The following RIMBP2 variants were observed in gnomAD, a reference collection of about 807,000 sequenced individuals.
RIMBP2 encodes RIMS-binding protein 2.
RIMBP2 carries 48 observed loss-of-function variants against 118.6 expected under a neutral mutation model. The observed-to-expected ratio is 0.40, with a 90% CI of 0.32 to 0.51. The LOEUF (loss-of-function observed/expected upper bound fraction) is 0.51. Ranked by LOEUF, RIMBP2 falls within the 20% of genes least tolerant of loss-of-function variation. RIMBP2 has a pLI of 0.41. For missense variants in RIMBP2, 1,551 were observed against 1,768.3 expected (o/e 0.88, Z 2.20); for synonymous variants, 762 against 742.9 (o/e 1.03, Z -0.42).
chr12:130,506,257 T>A (rs2050337160), intron 4 of RIMBP2, among the ~76,000 whole-genome samples: 1 of 152,110 alleles, frequency 6.6e-6, no homozygotes, highest in Non-Finnish European at 1.5e-5. Context: ...CTATCCTCTT[T>A]ATAACAAAGG....
At chr12:130,527,825 C>G (rs770851257) in intron 2 of RIMBP2, among the ~76,000 whole-genome samples, 36 of 151,050 alleles carry the variant, frequency 2.4e-4, no homozygotes, top group Non-Finnish European at 4.4e-4. Context: ...ATGTGGCCAA[C>G]AAACATATGC....
intron 2 of RIMBP2, among the ~76,000 whole-genome samples, chr12:130,535,007 T>C (rs796985178): frequency 6.6e-6 from 1 of 152,186 alleles, no homozygotes; most frequent in African/African-American, 2.4e-5. Flanking sequence ...ACGATGCTGG[T>C]GACTAAGGAA....
intron 21 of RIMBP2, among the ~76,000 whole-genome samples, chr12:130,400,355 G>C (rs576556684): frequency 6.6e-6 from 1 of 152,310 alleles, no homozygotes; most frequent in South Asian, 2.1e-4. Context: ...TGGAGAAAAT[G>C]AAAGTGTCTG....
At chr12:130,476,431 A>G (rs2081433099) in intron 5 of RIMBP2, among the ~76,000 whole-genome samples, 1 of 152,168 alleles carries the variant, frequency 6.6e-6, no homozygotes, top group African/African-American at 2.4e-5. Context: ...GCCAGTCTTC[A>G]GCTAATCCGT....
rs985183217 is a variant in RIMBP2, at chr12:130,509,728, C to A, written c.-126-2958G>T. On this transcript the variant is annotated intron_variant, in intron 3 of 22. Coordinates refer to ENST00000690449, the MANE Select transcript of RIMBP2 (RefSeq NM_001393629.1). ...CAGGTGTCCTGCCCATGCCCTCTGCCCCCCCGCCCCGGCAACAGCACCCAC... is the reference window on the plus strand; with the variant it reads ...CAGGTGTCCTGCCCATGCCCTCTGCACCCCCGCCCCGGCAACAGCACCCAC... Among the ~76,000 whole-genome samples, 5 of 149,970 alleles carry A rather than the reference C, an allele frequency of 3.3e-5. No individual in the cohort carries two copies. The East Asian group carries it at 7.9e-4, about 24-fold the overall frequency.
intron 2 of RIMBP2, among the ~76,000 whole-genome samples, chr12:130,520,773 G>A (rs992419042): frequency 6.6e-6 from 1 of 151,528 alleles, no homozygotes; most frequent in Non-Finnish European, 1.5e-5. Context: ...TTAGCCAAGT[G>A]CCAAAGCCCT....
At chr12:130,543,368 A>G (rs1407692508) in intron 2 of RIMBP2, among the ~76,000 whole-genome samples, 1 of 152,194 alleles carries the variant, frequency 6.6e-6, no homozygotes, top group Non-Finnish European at 1.5e-5. Context: ...ATGTTCTGGG[A>G]AAAACACATT....
chr12:130,579,663 C>G (rs2058330737), intron 2 of RIMBP2, among the ~76,000 whole-genome samples: 1 of 152,122 alleles, frequency 6.6e-6, no homozygotes, highest in African/African-American at 2.4e-5. Context: ...GCACACTCCC[C>G]CATTGAGCAC....
chr12:130,634,242 G>T lies in RIMBP2; in HGVS notation c.-351-5786C>A, dbSNP rs184113313. On this transcript the variant is annotated intron_variant, in intron 1 of 22. Coordinates refer to ENST00000690449, the MANE Select transcript of RIMBP2 (RefSeq NM_001393629.1). ...TACATATCCTTGGGAGCGGAGACGG[G>T]GAGGCGGGTAATGCCACCTGTTCTC... Among the ~76,000 whole-genome samples the T allele has an allele frequency of 4.4e-4, 67 of 152,312 alleles. 1 individual carries two copies. The East Asian group carries it at 0.012, about 28-fold the overall frequency.
At chr12:130,598,909 G>A (rs1226501140) in intron 2 of RIMBP2, among the ~76,000 whole-genome samples, 1 of 152,118 alleles carries the variant, frequency 6.6e-6, no homozygotes, top group Admixed American at 6.5e-5. Context: ...TGGGGTCTAT[G>A]TCACTCAGCG....
chr12:130,435,132 G>A (rs1378602176), intron 13 of RIMBP2, among the ~76,000 whole-genome samples: 1 of 151,472 alleles, frequency 6.6e-6, no homozygotes, highest in Non-Finnish European at 1.5e-5. Context: ...TGAAACCTCT[G>A]TCTCCCAGGT....
chr12:130,644,718 G>A (rs1594131658), intron 1 of RIMBP2, among the ~76,000 whole-genome samples: 1 of 152,358 alleles, frequency 6.6e-6, no homozygotes. Context: ...CCACAGGACA[G>A]AGACCCTGAG....
At chr12:130,541,612 T>C (rs2054607736) in intron 2 of RIMBP2, among the ~76,000 whole-genome samples, 1 of 152,244 alleles carries the variant, frequency 6.6e-6, no homozygotes, top group Admixed American at 6.5e-5. Context: ...GCCATGCCAA[T>C]GAAAGCCTTT....
chr12:130,414,556 G>C (rs769269708), intron 17 of RIMBP2: 1 of 322,286 alleles, frequency 3.1e-6, no homozygotes, highest in East Asian at 6.0e-5. Flanking sequence ...GCTGGGCCTC[G>C]GGGGCCTCCT....
intron 1 of RIMBP2, among the ~76,000 whole-genome samples, chr12:130,685,339 T>C (rs1207156849): frequency 1.3e-5 from 2 of 152,162 alleles, no homozygotes; most frequent in Non-Finnish European, 2.9e-5. Flanking sequence ...ATCTTAAATA[T>C]ACACAATAAA....
intron 2 of RIMBP2, among the ~76,000 whole-genome samples, chr12:130,609,556 G>A (rs1195523178): frequency 6.7e-6 from 1 of 149,664 alleles, no homozygotes; most frequent in Non-Finnish European, 1.5e-5. Flanking sequence ...GGGGTGGTTA[G>A]TCAGGGTTCC....
Position 130,688,183 on chromosome 12 carries a change from G to A in RIMBP2, c.-352+28039C>T, listed in dbSNP as rs2065146848. On this transcript the variant is annotated intron_variant, in intron 1 of 22. Transcript: ENST00000690449. This position sits in a 1 kb window ranked among gnomAD's most constrained non-coding sequence, Gnocchi z 4.7. The stretch of plus-strand genomic sequence containing the variant: ...CGGCCCAGCCTGCACTGTTCATGCT[G>A]CTTGGCTTTGTGAACAGTTGCGTGG... Among the ~76,000 whole-genome samples, 1 of 152,154 alleles carries A rather than the reference G, an allele frequency of 6.6e-6. No individual in the cohort carries two copies. The highest frequency in any genetic ancestry group is 1.5e-5 in the Non-Finnish European group (1 of 68,036).
chr12:130,424,279 G>A lies in RIMBP2; in HGVS notation c.2992C>T (p.Pro998Ser), dbSNP rs1459345999. 26 of 1,231,792 alleles carry A rather than the reference G, an allele frequency of 2.1e-5. No homozygotes were observed. The highest frequency in any genetic ancestry group is 3.1e-4 in the Middle Eastern group (1 of 3,230). The allele number at this position is 1,231,792 out of a possible 1,614,324, so 76.3% of individuals were successfully genotyped here. A position where few individuals can be genotyped will look rare whatever the true frequency, so the allele number is the denominator to read the frequency against. The change falls in exon 16 of 23, where the codon CCC (proline) becomes TCC (serine). Residue 998 changes from proline (P) to serine (S), a missense_variant. Around this residue, in one of 5 missense-constraint regions of RIMBP2, gnomAD observed 1,038 missense variants for 1,125.1 expected, o/e 0.92. Coordinates refer to ENST00000690449, the MANE Select transcript of RIMBP2 (RefSeq NM_001393629.1). The surrounding 1 kb of genome is among the most constrained non-coding windows in gnomAD (Gnocchi z 9.8). ...GGCTCGCCCCAGCCGTGCTTCCTGG[G>A]GGGCGGCCTCTCCGGGCCGGGCTGG... The part of the protein sequence containing the change: ...DPQPGPERPP[P>S]RKHGWGEPTE...
At chr12:130,432,632 C>G (rs1432212566) in intron 14 of RIMBP2, among the ~76,000 whole-genome samples, 3 of 152,108 alleles carry the variant, frequency 2.0e-5, no homozygotes, top group South Asian at 2.1e-4. Context: ...GGACAAGATA[C>G]TAGGGATGTA....
Sources: allele counts gnomAD v4.1 joint callset (sites outside exome capture counted in the v4.1 genomes callset), GRCh38; gene constraint gnomAD v4.1.1; regional missense constraint gnomAD v4.1.1; non-coding constraint Gnocchi (gnomAD v3.1); transcripts MANE v1.5; gene names NCBI Gene and HGNC (gene_info 2026-07-23, HGNC 2026-07-21).